Variants in CTNNB1 observed in about 807,000 individuals in gnomAD.
CTNNB1 encodes catenin beta-1.
A neutral mutation model predicts 82.5 loss-of-function variants in CTNNB1; 6 were observed. The observed-to-expected ratio is 0.07, with a 90% CI of 0.04 to 0.14. The LOEUF (loss-of-function observed/expected upper bound fraction) is 0.14, where lower values mean the gene tolerates loss of function less well. CTNNB1 is among the 10% of genes least tolerant of loss of function. The probability of loss-of-function intolerance (pLI) is 1.00; values close to 1 mark genes in which losing one functional copy is unlikely to be tolerated. For missense variants in CTNNB1, 529 were observed against 980.4 expected, an observed-to-expected ratio of 0.54 and a Z score of 6.15; for synonymous variants, 312 against 329.7, an observed-to-expected ratio of 0.95 and a Z score of 0.58.
Position 41,225,254 on chromosome 3 carries a change from C to T in CTNNB1, c.495+47C>T, listed in dbSNP as rs2125621577. 1 of 1,613,890 alleles carries T rather than the reference C, an allele frequency of 6.2e-7. No individual in the cohort carries two copies. Among genetic ancestry groups the T allele is most frequent in the South Asian group, 1.1e-5 (1 of 91,070 alleles). On this transcript the variant is annotated intron_variant, in intron 4 of 14. Coordinates refer to ENST00000349496, the MANE Select transcript of CTNNB1 (RefSeq NM_001904.4). The surrounding 1 kb of genome is among the most constrained non-coding windows in gnomAD (Gnocchi z 5.3). ...TTTTTAGTCTGCTTTGAAGTAAATG[C>T]TCAAGGGGAGTAGTTTCAGAATGTC...
At chr3:41,224,476 TAAAG>T in intron 2 of CTNNB1, 46 bp from the exon 3 acceptor site, 1 of 1,504,174 alleles carries the variant, frequency 6.6e-7, no homozygotes, top group Admixed American at 1.8e-5. Context: ...TTTTTTAAAT[TAAAG>T]TAACATTTCC....
chr3:41,222,678 TCAA>T (rs1203647038), intron 1 of CTNNB1, among the ~76,000 whole-genome samples: 4 of 152,128 alleles, frequency 2.6e-5, no homozygotes, highest in East Asian at 1.9e-4. Flanking sequence ...TGCCTTTGCA[TCAA>T]CAACAAGGAA....
chr3:41,238,696 G>A (rs1445408566), intron 14 of CTNNB1, among the ~76,000 whole-genome samples: 1 of 152,060 alleles, frequency 6.6e-6, no homozygotes, highest in Non-Finnish European at 1.5e-5. Flanking sequence ...TACTTTTGTG[G>A]GTGTCACTTG....
At chr3:41,229,795 C>G (rs1415657695) in intron 7 of CTNNB1, among the ~76,000 whole-genome samples, 6 of 151,500 alleles carry the variant, frequency 4.0e-5, no homozygotes. Context: ...AAGAAGGCAA[C>G]TTATATGTGG....
intron 1 of CTNNB1, chr3:41,210,943 A>G: frequency 2.3e-6 from 1 of 440,016 alleles, no homozygotes; most frequent in Middle Eastern, 5.9e-4. Flanking sequence ...CAGGCACCCC[A>G]CCATGCCTGG....
intron 1 of CTNNB1, among the ~76,000 whole-genome samples, chr3:41,210,394 C>T (rs1221064288): frequency 1.3e-5 from 2 of 152,130 alleles, no homozygotes; most frequent in African/African-American, 2.4e-5. Context: ...GCGGAGTTTG[C>T]AGTGAGCCGA....
intron 1 of CTNNB1, among the ~76,000 whole-genome samples, chr3:41,214,511 T>C (rs1433435832): frequency 6.6e-6 from 1 of 152,226 alleles, no homozygotes; most frequent in Non-Finnish European, 1.5e-5. Context: ...TGTTATAGCT[T>C]TCATGTGTGA....
chr3:41,224,501 T>C, intron 2 of CTNNB1, 25 bp from the exon 3 acceptor site: 1 of 1,580,778 alleles, frequency 6.3e-7, no homozygotes, highest in Middle Eastern at 1.7e-4. Flanking sequence ...AATCTACTAA[T>C]GCTAATACTG....
At chr3:41,213,799 A>C (rs570042801) in intron 1 of CTNNB1, among the ~76,000 whole-genome samples, 1 of 152,218 alleles carries the variant, frequency 6.6e-6, no homozygotes, top group Non-Finnish European at 1.5e-5. Context: ...AGATGAGGGA[A>C]TATTCCTTAA....
intron 1 of CTNNB1, chr3:41,222,065 G>A (rs1271510460): frequency 1.3e-5 from 2 of 152,084 alleles, no homozygotes; most frequent in East Asian, 3.9e-4. Flanking sequence ...TATGGAGTCA[G>A]TTTTTTCGTT....
At position 41,239,986 on chromosome 3, in the gene CTNNB1, C is replaced by T. The variant is rs201175238; in HGVS notation, c.*644C>T. 0.012 allele frequency: 385 copies of T among 32,648 alleles called. 1 individual carries two copies. The highest frequency in any genetic ancestry group is 0.017 in the Admixed American group (33 of 1,980). 2.0% of individuals were successfully genotyped at this position (32,648 alleles called of 1,614,324 possible). ...TGACTTTGCTTGCTTTGAAGTAGCT[C>T]TTTTTTTTTTTTTTTTTTTTTTTTT... is the stretch of plus-strand genomic sequence containing the variant. On this transcript the variant is annotated 3_prime_UTR_variant, in exon 15 of 15. Coordinates refer to ENST00000349496, the MANE Select transcript of CTNNB1 (RefSeq NM_001904.4).
intron 1 of CTNNB1, among the ~76,000 whole-genome samples, chr3:41,214,733 C>A (rs1050668929): frequency 6.6e-6 from 1 of 151,764 alleles, no homozygotes; most frequent in Admixed American, 6.6e-5. Flanking sequence ...TACTGCCCAC[C>A]ATCTGTTTTT....
Position 41,234,180 on chromosome 3 carries a change from A to T in CTNNB1, c.1566A>T (p.Ala522=). The T allele has an allele frequency of 6.2e-7, 1 of 1,614,232 alleles. No homozygotes were observed. Residue 522 remains alanine, a synonymous_variant, in exon 10 of 15, where the codon GCA becomes GCT. Coordinates refer to ENST00000349496, the MANE Select transcript of CTNNB1 (RefSeq NM_001904.4). ...GLIRNLALCP[A]NHAPLREQGA... ...TTCGAAATCTTGCCCTTTGTCCCGC[A>T]AATCATGCACCTTTGCGTGAGCAGG... is the stretch of plus-strand genomic sequence containing the variant.
chr3:41,235,510 C>G, intron 10 of CTNNB1: 1 of 609,774 alleles, frequency 1.6e-6, no homozygotes, highest in South Asian at 1.9e-5. Context: ...CTCTGTTGCA[C>G]TGTGTATGGG....
intron 1 of CTNNB1, chr3:41,220,954 G>A (rs1029046336): frequency 1.3e-5 from 2 of 152,126 alleles, no homozygotes; most frequent in Non-Finnish European, 2.9e-5. Context: ...GACTTTGACT[G>A]GAGACATTTA....
At chr3:41,229,005 T>C (rs1330926513) in intron 7 of CTNNB1, among the ~76,000 whole-genome samples, 1 of 151,938 alleles carries the variant, frequency 6.6e-6, no homozygotes, top group Non-Finnish European at 1.5e-5. Context: ...CTTGTTTTTG[T>C]TTACTTGTTA....
At position 41,239,635 on chromosome 3, in the gene CTNNB1, T is replaced by C. The variant is rs2078527047; in HGVS notation, c.*293T>C. On this transcript the variant is annotated 3_prime_UTR_variant, in exon 15 of 15. Coordinates refer to ENST00000349496, the MANE Select transcript of CTNNB1 (RefSeq NM_001904.4). The stretch of plus-strand genomic sequence containing the variant: ...TAACATTTGCTGTTTTAAACATTAA[T>C]AGCAGCCTTTCTCTCTTTATACAGC... The C allele has an allele frequency of 4.2e-6, 2 of 480,394 alleles. No homozygotes were observed. Among genetic ancestry groups the C allele is most frequent in the Non-Finnish European group, 7.7e-6 (2 of 261,052 alleles). 29.8% of individuals were successfully genotyped at this position (480,394 alleles called of 1,614,324 possible). A position where few individuals can be genotyped will look rare whatever the true frequency, so the allele number is the denominator to read the frequency against.
intron 7 of CTNNB1, among the ~76,000 whole-genome samples, chr3:41,231,129 C>T (rs555114190): frequency 4.9e-4 from 75 of 152,164 alleles, no homozygotes; most frequent in Non-Finnish European, 9.0e-4. Flanking sequence ...AGATCGAGAC[C>T]AGCCTGGCTA....
At chr3:41,226,596 G>T (rs1047848160) in intron 6 of CTNNB1, among the ~76,000 whole-genome samples, 1 of 152,164 alleles carries the variant, frequency 6.6e-6, no homozygotes, top group Non-Finnish European at 1.5e-5. Context: ...TTTGAGGTGA[G>T]GCTATTGAGA....
Sources: gnomAD v4.1 joint callset for allele counts (sites outside exome capture counted in the v4.1 genomes callset) on GRCh38, gnomAD v4.1.1 for gene constraint, Gnocchi (gnomAD v3.1) non-coding constraint, MANE v1.5 for transcripts, NCBI Gene and HGNC (gene_info 2026-07-23, HGNC 2026-07-21) for gene names.